BARD1: variants seen among roughly 807,000 people sequenced by gnomAD.
BARD1 encodes the protein BRCA1-associated RING domain protein 1.
A neutral mutation model predicts 77.0 loss-of-function variants in BARD1; 73 were observed. The observed-to-expected ratio is 0.95, with a 90% CI of 0.79 to 1.15. The LOEUF is 1.15. Ranked by LOEUF, BARD1 falls within the 50% of genes most tolerant of loss-of-function variation. The pLI, the probability that BARD1 is intolerant of heterozygous loss-of-function variation, is 0.00. For missense variants in BARD1, 993 were observed against 938.8 expected (o/e 1.06, Z -0.75); for synonymous variants, 384 against 338.0 (o/e 1.14, Z -1.49).
intron 9 of BARD1, among the ~76,000 whole-genome samples, chr2:214,741,824 A>C (rs1692847006): frequency 1.3e-5 from 2 of 152,344 alleles, no homozygotes; most frequent in South Asian, 2.1e-4. Flanking sequence ...TACTCTGTAT[A>C]AACAATGTAG....
intron 6 of BARD1, among the ~76,000 whole-genome samples, chr2:214,760,779 CTT>C (rs398061047): frequency 1.9e-4 from 27 of 141,204 alleles, no homozygotes; most frequent in Non-Finnish European, 2.3e-4. Flanking sequence ...GGACTTTTTT[CTT>C]TTTTTTTTTT....
intron 2 of BARD1, among the ~76,000 whole-genome samples, chr2:214,794,821 C>A (rs1695687662): frequency 6.6e-6 from 1 of 152,182 alleles, no homozygotes; most frequent in Admixed American, 6.5e-5. Context: ...AAAACAGCTA[C>A]CATAATTTTT....
chr2:214,728,281 T>TAAAA lies in BARD1; in HGVS notation c.*391_*394dup, dbSNP rs754881729. ...AATTGTTTGATAATATTCTGTTTAC[T>TAAAA]AAAAAAAAAAAAAAAAAAAAGGCAA... is the stretch of plus-strand genomic sequence containing the variant. On this transcript the variant is annotated 3_prime_UTR_variant, in exon 11 of 11. Coordinates refer to ENST00000260947, the MANE Select transcript of BARD1 (RefSeq NM_000465.4). The TAAAA allele has an allele frequency of 2.9e-4, 44 of 149,496 alleles. No individual in the cohort carries two copies. Among genetic ancestry groups the TAAAA allele is most frequent in the Admixed American group, 7.3e-4 (8 of 10,956 alleles). 9.3% of individuals were successfully genotyped at this position (149,496 alleles called of 1,614,324 possible). A position where few individuals can be genotyped will look rare whatever the true frequency, so the allele number is the denominator to read the frequency against.
intron 9 of BARD1, among the ~76,000 whole-genome samples, chr2:214,732,997 T>G (rs1439780896): frequency 6.6e-6 from 1 of 152,216 alleles, no homozygotes; most frequent in East Asian, 1.9e-4. Context: ...ATCTTGTAAC[T>G]TGAATTTTGA....
chr2:214,752,371 A>C, intron 7 of BARD1, 76 bp downstream of exon 7: 3 of 1,295,178 alleles, frequency 2.3e-6, no homozygotes, highest in Non-Finnish European at 3.3e-6. Flanking sequence ...GTCAAATGGA[A>C]ATTTTTCTAT....
chr2:214,792,261 A>C, intron 3 of BARD1, 36 bp downstream of exon 3: 1 of 1,604,726 alleles, frequency 6.2e-7, no homozygotes, highest in Non-Finnish European at 8.5e-7. Flanking sequence ...TTTTTAACTG[A>C]TGAATTTAAC....
At position 214,752,574 on chromosome 2, in the gene BARD1, A is replaced by AT. The variant is rs1693510645; in HGVS notation, c.1569-20dup. Reference sequence around the variant, plus strand: ...TATATTACTGGTAAAATAAGTGCAGATGTGTTTAAGTAAGTCAAATGTGTG... The same window carrying AT: ...TATATTACTGGTAAAATAAGTGCAGATTGTGTTTAAGTAAGTCAAATGTGTG... On this transcript the variant is annotated intron_variant, in intron 6 of 10. Coordinates refer to ENST00000260947, the MANE Select transcript of BARD1 (RefSeq NM_000465.4). The AT allele has an allele frequency of 6.3e-7, 1 of 1,587,204 alleles. No homozygotes were observed. The highest frequency in any genetic ancestry group is 1.7e-4 in the Middle Eastern group (1 of 5,994).
chr2:214,768,809 G>A (rs1694337098), intron 5 of BARD1, among the ~76,000 whole-genome samples: 1 of 152,218 alleles, frequency 6.6e-6, no homozygotes, highest in South Asian at 2.1e-4. Context: ...CAATTGGATA[G>A]GGTATAAGTG....
At chr2:214,776,398 A>G (rs1694739223) in intron 4 of BARD1, among the ~76,000 whole-genome samples, 1 of 152,230 alleles carries the variant, frequency 6.6e-6, no homozygotes, top group Non-Finnish European at 1.5e-5. Context: ...TGAGTATCTT[A>G]GTTTCTACTT....
rs758559877 is a variant in BARD1, at chr2:214,780,950, A to C, written c.924T>G (p.Leu308=). 4 of 1,613,800 alleles carry C rather than the reference A, an allele frequency of 2.5e-6. No homozygotes were observed. The highest frequency in any genetic ancestry group is 2.5e-6 in the Non-Finnish European group (3 of 1,179,858). Residue 308 remains leucine, a synonymous_variant, in exon 4 of 11, where the codon CTT becomes CTG. Transcript: ENST00000260947. The part of the protein sequence containing the change: ...VTPEKVCKNY[L]TSKKSLPLEN... ...CTAATGGCAAAGATTTCTTAGATGT[A>C]AGATAATTTTTGCAGACCTTCTCAG...
chr2:214,769,374 T>A, intron 4 of BARD1, 62 bp from the exon 5 acceptor site: 15 of 1,257,018 alleles, frequency 1.2e-5, no homozygotes, highest in Non-Finnish European at 1.7e-5. Flanking sequence ...AATATTGAGC[T>A]TTTTTAAATG....
intron 3 of BARD1, 121 bp downstream of exon 3, chr2:214,792,176 A>T: frequency 1.1e-5 from 10 of 925,896 alleles, no homozygotes; most frequent in South Asian, 1.9e-5. Flanking sequence ...AAACCTACAG[A>T]TTTTAAAATC....
intron 3 of BARD1, among the ~76,000 whole-genome samples, chr2:214,792,081 T>TG (rs1559436394): frequency 7.0e-6 from 1 of 143,764 alleles, no homozygotes; most frequent in African/African-American, 2.6e-5. Context: ...GAGGCTGAGG[T>TG]GGGGGGAATC....
chr2:214,772,442 T>A (rs1463825314), intron 4 of BARD1, among the ~76,000 whole-genome samples: 4 of 151,454 alleles, frequency 2.6e-5, no homozygotes, highest in African/African-American at 9.7e-5. Flanking sequence ...TAATTCTACA[T>A]GGTAATGCAA....
chr2:214,794,627 C>T (rs1695676485), intron 2 of BARD1, among the ~76,000 whole-genome samples: 1 of 152,030 alleles, frequency 6.6e-6, no homozygotes, highest in East Asian at 1.9e-4. Context: ...AATGCATGAA[C>T]ACACAAAAGC....
chr2:214,740,879 A>G (rs1692791581), intron 9 of BARD1, among the ~76,000 whole-genome samples: 1 of 151,906 alleles, frequency 6.6e-6, no homozygotes, highest in African/African-American at 2.4e-5. Flanking sequence ...AAAGTTGCCT[A>G]ATCAATCTTA....
intron 6 of BARD1, among the ~76,000 whole-genome samples, chr2:214,757,443 T>C (rs559965908): frequency 7.2e-5 from 11 of 152,304 alleles, no homozygotes; most frequent in African/African-American, 2.2e-4. Flanking sequence ...TCATGTGTCA[T>C]TGCTTTTTGC....
At chr2:214,770,995 T>A (rs1481796463) in intron 4 of BARD1, among the ~76,000 whole-genome samples, 2 of 152,298 alleles carry the variant, frequency 1.3e-5, no homozygotes, top group East Asian at 1.9e-4. Context: ...AAAGCCTTTT[T>A]AAAAATCTCT....
chr2:214,746,763 C>T (rs1270377520), intron 7 of BARD1, among the ~76,000 whole-genome samples: 3 of 152,042 alleles, frequency 2.0e-5, no homozygotes, highest in East Asian at 3.9e-4. Flanking sequence ...TAGAAGAAAA[C>T]GTAGGCAATA....
Sources: gnomAD v4.1 joint callset for allele counts (sites outside exome capture counted in the v4.1 genomes callset) on GRCh38, gnomAD v4.1.1 for gene constraint, MANE v1.5 for transcripts, NCBI Gene and HGNC (gene_info 2026-07-23, HGNC 2026-07-21) for gene names.